The following PCDH7 variants were observed in gnomAD, a reference collection of about 807,000 sequenced individuals.
PCDH7 encodes the protein protocadherin-7.
A neutral mutation model predicts 58.9 loss-of-function variants in PCDH7; 17 were observed. The observed-to-expected ratio is 0.29, with a 90% CI of 0.20 to 0.43. PCDH7 has a LOEUF of 0.43. PCDH7 is among the 20% of genes least tolerant of loss of function. PCDH7 has a pLI of 1.00. For synonymous variants in PCDH7, 664 were observed against 616.4 expected, an observed-to-expected ratio of 1.08 and a Z score of -1.14; for missense variants, 1,274 against 1,441.0, an observed-to-expected ratio of 0.88 and a Z score of 1.88.
chr4:30,853,154 GA>G (rs1402285726), intron 1 of PCDH7, among the ~76,000 whole-genome samples: 5 of 152,042 alleles, frequency 3.3e-5, no homozygotes, highest in African/African-American at 4.8e-5. Context: ...ATTTCTAAAA[GA>G]AAAAACTAGG....
chr4:31,058,080 G>C (rs1241772750), intron 3 of PCDH7, among the ~76,000 whole-genome samples: 1 of 152,040 alleles, frequency 6.6e-6, no homozygotes, highest in Non-Finnish European at 1.5e-5. Flanking sequence ...AGAGTTTGCA[G>C]CTTTGAAATA....
intron 3 of PCDH7, among the ~76,000 whole-genome samples, chr4:31,047,290 C>T (rs1021837316): frequency 1.3e-5 from 2 of 152,144 alleles, no homozygotes; most frequent in Middle Eastern, 3.4e-3. Flanking sequence ...AAATTTCCCA[C>T]GCATGTGTAC....
chr4:31,138,584 C>T (rs986959699), intron 3 of PCDH7, among the ~76,000 whole-genome samples: 14 of 152,170 alleles, frequency 9.2e-5, no homozygotes, highest in African/African-American at 1.4e-4. Context: ...TGGACCCGTT[C>T]GCTGTTCCAT....
chr4:31,028,613 G>A (rs374874367), intron 3 of PCDH7, among the ~76,000 whole-genome samples: 8 of 150,056 alleles, frequency 5.3e-5, no homozygotes, highest in East Asian at 2.0e-4. Context: ...AGGTCTTATC[G>A]CACTACTTCA....
At chr4:31,117,801 G>A (rs1717183656) in intron 3 of PCDH7, among the ~76,000 whole-genome samples, 1 of 152,148 alleles carries the variant, frequency 6.6e-6, no homozygotes, top group African/African-American at 2.4e-5. Flanking sequence ...TGATGTAGAG[G>A]TCAGTCTGTA....
At chr4:30,908,122 A>T (rs1347300909) in intron 1 of PCDH7, among the ~76,000 whole-genome samples, 1 of 152,028 alleles carries the variant, frequency 6.6e-6, no homozygotes, top group Non-Finnish European at 1.5e-5. Context: ...TAGGGGAGGG[A>T]TAGCATTAGG....
At chr4:31,085,149 G>A (rs980640383) in intron 3 of PCDH7, among the ~76,000 whole-genome samples, 2 of 152,052 alleles carry the variant, frequency 1.3e-5, no homozygotes. Context: ...GGGAAAGCCA[G>A]TGAGCCAGGA....
chr4:31,021,783 G>A lies in PCDH7; in HGVS notation c.*7+71568G>A, dbSNP rs938840796. Among the ~76,000 whole-genome samples, 12 of 152,194 alleles carry A rather than the reference G, an allele frequency of 7.9e-5. No individual in the cohort carries two copies. In the East Asian group the frequency reaches 9.7e-4, roughly 12 times the overall value. On this transcript the variant is annotated intron_variant, in intron 3 of 3. Coordinates refer to the PCDH7 transcript ENST00000509759. ...ATTTCAAGGAAGGTGAGTAAATATG[G>A]TCTAATCTAGAGATGTGGAAGGGGA...
At chr4:31,005,685 G>A (rs1752715733) in intron 3 of PCDH7, among the ~76,000 whole-genome samples, 1 of 152,162 alleles carries the variant, frequency 6.6e-6, no homozygotes, top group Non-Finnish European at 1.5e-5. Context: ...AGTGGAAACA[G>A]GTTGAGTTTA....
At chr4:30,819,319 G>A (rs959095556) in intron 1 of PCDH7, among the ~76,000 whole-genome samples, 29 of 152,052 alleles carry the variant, frequency 1.9e-4, no homozygotes, top group Non-Finnish European at 4.1e-4. Flanking sequence ...TCACTGGTTG[G>A]GTAGAGCGGT....
intron 1 of PCDH7, among the ~76,000 whole-genome samples, chr4:30,763,546 T>C (rs1029344971): frequency 2.6e-5 from 4 of 152,188 alleles, no homozygotes; most frequent in African/African-American, 7.2e-5. Flanking sequence ...AGTCAGTAAA[T>C]CAGTGTTTCA....
chr4:30,953,240 T>G (rs1306995289), intron 3 of PCDH7, among the ~76,000 whole-genome samples: 1 of 152,154 alleles, frequency 6.6e-6, no homozygotes, highest in African/African-American at 2.4e-5. Flanking sequence ...AATCCAATTA[T>G]CCCAGTTTTC....
intron 3 of PCDH7, among the ~76,000 whole-genome samples, chr4:31,040,232 T>C (rs920428396): frequency 6.6e-6 from 1 of 152,200 alleles, no homozygotes; most frequent in East Asian, 1.9e-4. Flanking sequence ...GGAAATTTCT[T>C]TGTGCCTCCT....
At chr4:30,793,689 G>C (rs1724422467) in intron 1 of PCDH7, among the ~76,000 whole-genome samples, 3 of 152,078 alleles carry the variant, frequency 2.0e-5, no homozygotes, top group Non-Finnish European at 4.4e-5. Flanking sequence ...CATTTTGATG[G>C]TATGAAAGAC....
intron 1 of PCDH7, among the ~76,000 whole-genome samples, chr4:30,904,930 T>C (rs897885570): frequency 6.6e-6 from 1 of 152,208 alleles, no homozygotes; most frequent in Non-Finnish European, 1.5e-5. Context: ...TTAATTCATC[T>C]TGACCAGGAA....
At chr4:31,145,472 GA>G (rs1720616637), downstream of PCDH7, 1 of 151,310 alleles carries the variant, frequency 6.6e-6, no homozygotes, top group Non-Finnish European at 1.5e-5. Flanking sequence ...TCAATAAAAA[GA>G]AACAAAAAAA....
At chr4:30,835,793 T>C (rs1166649060) in intron 1 of PCDH7, among the ~76,000 whole-genome samples, 2 of 152,148 alleles carry the variant, frequency 1.3e-5, no homozygotes, top group Non-Finnish European at 2.9e-5. Flanking sequence ...ACTAAATGGA[T>C]CCATAAATAT....
chr4:31,045,587 T>C lies in PCDH7; in HGVS notation c.*7+95372T>C, dbSNP rs372221784. On this transcript the variant is annotated intron_variant, in intron 3 of 3. Coordinates refer to the PCDH7 transcript ENST00000509759. ...ATCTTTGGTCAAATGCAGTTCCTGA[T>C]TTGCTACAGTTTGGGATGGCTACTT... 2.2e-3 allele frequency among the ~76,000 whole-genome samples: 336 copies of C among 152,172 alleles called. 4 individuals are homozygous for C. The Middle Eastern group carries it at 0.031, about 14-fold the overall frequency.
intron 3 of PCDH7, among the ~76,000 whole-genome samples, chr4:31,039,112 CA>C (rs530017592): frequency 2.6e-4 from 38 of 147,238 alleles, no homozygotes; most frequent in East Asian, 4.0e-4. Context: ...TTCTAAATAT[CA>C]AAAAAAAAAG....
Sources: gnomAD v4.1 joint callset for allele counts (sites outside exome capture counted in the v4.1 genomes callset) on GRCh38, gnomAD v4.1.1 for gene constraint, MANE v1.5 for transcripts, NCBI Gene and HGNC (gene_info 2026-07-23, HGNC 2026-07-21) for gene names.